The following SPPL2A variants were observed in gnomAD, a reference collection of about 807,000 sequenced individuals.
SPPL2A encodes the protein signal peptide peptidase like 2A.
SPPL2A carries 51 observed loss-of-function variants against 63.8 expected under a neutral mutation model. The ratio of observed to expected loss-of-function variants is 0.80; its 90% CI spans 0.64 to 1.01. SPPL2A has a LOEUF of 1.01. SPPL2A is among the 50% of genes least tolerant of loss of function. The pLI is 0.00. For missense variants in SPPL2A, 553 were observed against 622.7 expected (o/e 0.89, Z 1.19); for synonymous variants, 188 against 205.8 (o/e 0.91, Z 0.74).
Position 50,748,884 on chromosome 15 carries a change from A to G in SPPL2A, c.178-14T>C, listed in dbSNP as rs1303227975. 18 of 1,534,772 alleles carry G rather than the reference A, an allele frequency of 1.2e-5. No individual in the cohort carries two copies. The highest frequency in any genetic ancestry group is 1.3e-5 in the Non-Finnish European group (15 of 1,137,094). Reference sequence around the variant, plus strand: ...ACTAATGGAAGTCTGAAAATAAGAAATGTCTTTTTAACATGTTAAAAATCT... The same window carrying G: ...ACTAATGGAAGTCTGAAAATAAGAAGTGTCTTTTTAACATGTTAAAAATCT... On this transcript the variant is annotated splice_polypyrimidine_tract_variant and intron_variant, in intron 2 of 14. Transcript: ENST00000261854.
At chr15:50,717,642 C>G (rs1044136796) in intron 14 of SPPL2A, among the ~76,000 whole-genome samples, 1 of 152,180 alleles carries the variant, frequency 6.6e-6, no homozygotes, top group African/African-American at 2.4e-5. Flanking sequence ...CTCCAGCTTT[C>G]ATTTCCTGTA....
intron 13 of SPPL2A, among the ~76,000 whole-genome samples, chr15:50,720,809 G>A (rs371416674): frequency 2.0e-5 from 3 of 151,962 alleles, no homozygotes; most frequent in African/African-American, 4.8e-5. Context: ...TGTGAGCACC[G>A]CGCCCGGCCT....
At chr15:50,714,183 G>A (rs958088167) in intron 14 of SPPL2A, among the ~76,000 whole-genome samples, 4 of 152,124 alleles carry the variant, frequency 2.6e-5, no homozygotes, top group African/African-American at 9.7e-5. Context: ...GTTTTTATAC[G>A]CTTTTAAACA....
chr15:50,734,867 G>A (rs1460127813), intron 8 of SPPL2A, among the ~76,000 whole-genome samples: 1 of 151,968 alleles, frequency 6.6e-6, no homozygotes, highest in Non-Finnish European at 1.5e-5. Flanking sequence ...GCTCCTTTTT[G>A]TACTTTATAT....
In SPPL2A at chr15:50,703,280, G is replaced by C. The variant is rs1307309472; in HGVS notation, c.*4520C>G. 1.4e-5 allele frequency: 2 copies of C among 141,842 alleles called. No homozygotes were observed. The highest frequency in any genetic ancestry group is 3.0e-5 in the Non-Finnish European group (2 of 66,428). The allele number at this position is 141,842 out of a possible 1,614,324, so 8.8% of individuals were successfully genotyped here. A position where few individuals can be genotyped will look rare whatever the true frequency, so the allele number is the denominator to read the frequency against. The stretch of plus-strand genomic sequence containing the variant: ...TTGAAATTTCATTGGTTAAGATCAG[G>C]CTGAAATTTTAGAGATTAAGCCTAA... On this transcript the variant is annotated 3_prime_UTR_variant, in exon 15 of 15. Transcript: ENST00000261854.
At chr15:50,710,584 T>A (rs1345649552) in intron 14 of SPPL2A, among the ~76,000 whole-genome samples, 1 of 152,224 alleles carries the variant, frequency 6.6e-6, no homozygotes, top group Admixed American at 6.5e-5. Flanking sequence ...ACAGGAAAGC[T>A]TGATTTGGAA....
rs10658387 is a variant in SPPL2A at position 50,729,996 on chromosome 15, T to TAAAAAAAAAAA, written c.1089+968_1089+969insTTTTTTTTTTT. On this transcript the variant is annotated intron_variant, in intron 10 of 14. Transcript: ENST00000261854. Reference sequence around the variant, plus strand: ...ACTTCAGCCTCAAGACTCGGCCTTTTAAAAAAAAAGAAGGAATGATAAATA... The same window carrying TAAAAAAAAAAA: ...ACTTCAGCCTCAAGACTCGGCCTTTTAAAAAAAAAAAAAAAAAAAAGAAGGAATGATAAATA... Among the ~76,000 whole-genome samples the TAAAAAAAAAAA allele has an allele frequency of 2.2e-3, 316 of 146,914 alleles. 1 individual carries two copies. Among genetic ancestry groups the TAAAAAAAAAAA allele is most frequent in the Non-Finnish European group, 2.6e-3 (171 of 66,756 alleles).
chr15:50,731,927 CAA>C (rs60624824), intron 9 of SPPL2A, among the ~76,000 whole-genome samples: 139 of 64,218 alleles, frequency 2.2e-3, no homozygotes, highest in Non-Finnish European at 3.2e-3. Context: ...GACTCCATCT[CAA>C]AAAAAAAAAA....
chr15:50,752,152 C>G (rs1301305823), intron 1 of SPPL2A, among the ~76,000 whole-genome samples: 1 of 152,096 alleles, frequency 6.6e-6, no homozygotes, highest in East Asian at 1.9e-4. Flanking sequence ...TTTAAAAGAG[C>G]TTTACTCTCT....
chr15:50,764,787 C>G (rs1223187065), intron 1 of SPPL2A, among the ~76,000 whole-genome samples: 2 of 152,092 alleles, frequency 1.3e-5, no homozygotes, highest in South Asian at 4.1e-4. Context: ...TTCTTACTTA[C>G]ATTTAACCGA....
At chr15:50,717,689 T>C (rs2062608116) in intron 14 of SPPL2A, among the ~76,000 whole-genome samples, 1 of 152,194 alleles carries the variant, frequency 6.6e-6, no homozygotes, top group East Asian at 1.9e-4. Flanking sequence ...ATAGCCATCC[T>C]AACCTTCACT....
At chr15:50,726,168 A>AAGT (rs1448916875) in intron 11 of SPPL2A, 153 bp downstream of exon 11, 1 of 1,501,990 alleles carries the variant, frequency 6.7e-7, no homozygotes, top group South Asian at 1.2e-5. Flanking sequence ...ATAATTTAGA[A>AAGT]TAACTAAGAA....
chr15:50,717,268 G>T (rs911885363), intron 14 of SPPL2A, among the ~76,000 whole-genome samples: 1 of 152,032 alleles, frequency 6.6e-6, no homozygotes, highest in African/African-American at 2.4e-5. Context: ...CCTATCTTCC[G>T]GACTCAAGCA....
At chr15:50,745,542 G>A (rs2062851017) in intron 5 of SPPL2A, among the ~76,000 whole-genome samples, 1 of 125,562 alleles carries the variant, frequency 8.0e-6, no homozygotes, top group South Asian at 2.6e-4. Context: ...AGTCACTGCA[G>A]CTGGCCTTTT....
intron 1 of SPPL2A, among the ~76,000 whole-genome samples, chr15:50,755,121 C>G (rs552882929): frequency 3.2e-4 from 49 of 151,544 alleles, no homozygotes; most frequent in African/African-American, 1.1e-3. Context: ...AGATCGAAAC[C>G]ATCCTGGCTA....
intron 5 of SPPL2A, among the ~76,000 whole-genome samples, chr15:50,741,221 C>T (rs767096190): frequency 1.3e-5 from 2 of 152,086 alleles, no homozygotes; most frequent in Non-Finnish European, 2.9e-5. Context: ...CTTCTGAATA[C>T]TTTTCAACAA....
chr15:50,747,662 A>T (rs2062869151), intron 4 of SPPL2A, 34 bp from the exon 5 acceptor site: 1 of 1,542,564 alleles, frequency 6.5e-7, no homozygotes, highest in African/African-American at 1.4e-5. Flanking sequence ...ACACAGGAAT[A>T]ACTTTTCTTT....
chr15:50,709,634 AC>A (rs2062541489), intron 14 of SPPL2A, among the ~76,000 whole-genome samples: 1 of 152,074 alleles, frequency 6.6e-6, no homozygotes, highest in African/African-American at 2.4e-5. Context: ...TACTAAAAAT[AC>A]AAAAATTAGC....
chr15:50,765,659 C>G lies in SPPL2A; in HGVS notation c.-126G>C. On this transcript the variant is annotated 5_prime_UTR_variant, in exon 1 of 15. Coordinates refer to ENST00000261854, the MANE Select transcript of SPPL2A (RefSeq NM_032802.4). ...GACCGGACAGGCGCGGGCGGCCGGG[C>G]TACGACTGGACCGCCGCTGCTACAG... The G allele has an allele frequency of 1.8e-6, 1 of 544,098 alleles. No homozygotes were observed. Among genetic ancestry groups the G allele is most frequent in the African/African-American group, 2.0e-5 (1 of 50,626 alleles). The allele number at this position is 544,098 out of a possible 1,614,324, so 33.7% of individuals were successfully genotyped here. A position where few individuals can be genotyped will look rare whatever the true frequency, so the allele number is the denominator to read the frequency against.
Sources: allele counts gnomAD v4.1 joint callset (sites outside exome capture counted in the v4.1 genomes callset), GRCh38; gene constraint gnomAD v4.1.1; transcripts MANE v1.5; gene names NCBI Gene and HGNC (gene_info 2026-07-23, HGNC 2026-07-21).